The following CTIF variants were observed in gnomAD, a reference collection of about 807,000 sequenced individuals.
CTIF encodes cap binding complex dependent translation initiation factor, also known as CBP80/20-dependent translation initiation factor.
CTIF carries 21 observed loss-of-function variants against 66.0 expected under a neutral mutation model. The observed-to-expected ratio is 0.32, with a 90% CI of 0.23 to 0.46. The LOEUF (loss-of-function observed/expected upper bound fraction) is 0.46. CTIF is among the 20% of genes least tolerant of loss of function. The probability of loss-of-function intolerance (pLI) is 1.00; values close to 1 mark genes in which losing one functional copy is unlikely to be tolerated. For missense variants in CTIF, 739 were observed against 812.7 expected (o/e 0.91, Z 1.10); for synonymous variants, 345 against 326.4 (o/e 1.06, Z -0.62).
At chr18:48,547,330 C>T (rs138287082) in intron 1 of CTIF, among the ~76,000 whole-genome samples, 163 of 152,282 alleles carry the variant, frequency 1.1e-3, no homozygotes, top group African/African-American at 3.8e-3. Context: ...GGTTTCTTTC[C>T]AGGGTCCCCT....
intron 1 of CTIF, among the ~76,000 whole-genome samples, chr18:48,615,703 G>A (rs912390758): frequency 2.6e-5 from 4 of 152,344 alleles, no homozygotes; most frequent in South Asian, 2.1e-4. Context: ...CTCATACTCC[G>A]GGTTGCAGGT....
At chr18:48,818,095 G>A (rs749750226) in intron 10 of CTIF, among the ~76,000 whole-genome samples, 12 of 152,220 alleles carry the variant, frequency 7.9e-5, no homozygotes, top group Non-Finnish European at 1.5e-4. Flanking sequence ...GAATGACCAA[G>A]GAACTTTTGA....
At chr18:48,593,375 CT>C (rs576600188) in intron 1 of CTIF, among the ~76,000 whole-genome samples, 3,875 of 147,918 alleles carry the variant, frequency 0.026, 52 homozygotes, top group African/African-American at 0.04. Flanking sequence ...AACTAGAAAT[CT>C]TTTTTTTTTC....
chr18:48,639,138 G>A (rs780142930), intron 3 of CTIF, among the ~76,000 whole-genome samples: 13 of 152,238 alleles, frequency 8.5e-5, no homozygotes, highest in Admixed American at 3.3e-4. Flanking sequence ...CTGGAGAGCC[G>A]GCTGGGACGG....
rs1196742249 is a variant in CTIF, at chr18:48,851,762, C to T, written c.1528-5826C>T. ...CCCTCCCTTCCTTCGCATCAGCTCC[C>T]GGGTTCTGCCTCTTCCCCACCCAGG... On this transcript the variant is annotated intron_variant, in intron 10 of 11. Coordinates refer to ENST00000256413, the MANE Select transcript of CTIF (RefSeq NM_014772.3). Among the ~76,000 whole-genome samples, 4 of 152,294 alleles carry T rather than the reference C, an allele frequency of 2.6e-5. No individual in the cohort carries two copies. In the South Asian group the frequency reaches 8.3e-4, roughly 32 times the overall value.
rs80079508 is a variant in CTIF at position 48,601,129 on chromosome 18, G to A, written c.-28-18409G>A. Among the ~76,000 whole-genome samples, 1,393 of 152,270 alleles carry A rather than the reference G, an allele frequency of 9.1e-3. 10 individuals carry two copies. Among genetic ancestry groups the A allele is most frequent in the South Asian group, 0.025 (121 of 4,824 alleles). ...ACTGAGATCTGCCCTCACCACTAAG[G>A]TGTTAGGCCCGTTCTTTATCTAGCT... On this transcript the variant is annotated intron_variant, in intron 1 of 11. Coordinates refer to ENST00000256413, the MANE Select transcript of CTIF (RefSeq NM_014772.3).
At chr18:48,806,383 C>T (rs1198636496) in intron 9 of CTIF, among the ~76,000 whole-genome samples, 3 of 152,142 alleles carry the variant, frequency 2.0e-5, no homozygotes, top group Non-Finnish European at 4.4e-5. Flanking sequence ...TTCCTGCTAG[C>T]AGTAAATAAA....
chr18:48,798,433 T>C (rs1476215258), intron 9 of CTIF, among the ~76,000 whole-genome samples: 1 of 152,194 alleles, frequency 6.6e-6, no homozygotes, highest in Non-Finnish European at 1.5e-5. Context: ...CATGCTTCCC[T>C]ATCTGTTCTC....
At chr18:48,599,353 A>C (rs1420970961) in intron 1 of CTIF, among the ~76,000 whole-genome samples, 1 of 152,080 alleles carries the variant, frequency 6.6e-6, no homozygotes, top group Non-Finnish European at 1.5e-5. Context: ...TGTTCATAAA[A>C]ATGCCAAAAT....
At chr18:48,611,455 G>C (rs1170019203) in intron 1 of CTIF, among the ~76,000 whole-genome samples, 1 of 152,270 alleles carries the variant, frequency 6.6e-6, no homozygotes, top group East Asian at 1.9e-4. Flanking sequence ...CAGCTGGCCA[G>C]AAGTTTGGCC....
chr18:48,566,617 C>T (rs2089286313), intron 1 of CTIF: 1 of 152,212 alleles, frequency 6.6e-6, no homozygotes, highest in African/African-American at 2.4e-5. Context: ...AGGGCTGGCA[C>T]CAACCACAGC....
chr18:48,548,392 C>A (rs2088805671), intron 1 of CTIF, among the ~76,000 whole-genome samples: 1 of 152,228 alleles, frequency 6.6e-6, no homozygotes, highest in Non-Finnish European at 1.5e-5. Flanking sequence ...ACCAAACAGG[C>A]TGGTGTTTAC....
chr18:48,545,348 G>A (rs1218307559), intron 1 of CTIF, among the ~76,000 whole-genome samples: 1 of 152,200 alleles, frequency 6.6e-6, no homozygotes, highest in Non-Finnish European at 1.5e-5. Flanking sequence ...AAGGGAACAG[G>A]ACTGGGAGCC....
intron 10 of CTIF, among the ~76,000 whole-genome samples, chr18:48,846,393 G>T (rs2069072487): frequency 1.3e-5 from 2 of 152,120 alleles, no homozygotes; most frequent in South Asian, 2.1e-4. Flanking sequence ...TGTTATCCCT[G>T]TACTTACGTA....
chr18:48,651,146 A>C (rs2091148379), intron 3 of CTIF, among the ~76,000 whole-genome samples: 2 of 152,230 alleles, frequency 1.3e-5, no homozygotes, highest in South Asian at 4.1e-4. Context: ...ACATAACAAT[A>C]TTAACCTTGA....
At position 48,543,098 on chromosome 18, in the gene CTIF, G is replaced by A. The variant is rs80218152; in HGVS notation, c.-29+3786G>A. 4.0e-3 allele frequency among the ~76,000 whole-genome samples: 614 copies of A among 152,306 alleles called. 3 individuals carry two copies. Among genetic ancestry groups the A allele is most frequent in the African/African-American group, 0.013 (521 of 41,568 alleles). On this transcript the variant is annotated intron_variant, in intron 1 of 11. Coordinates refer to ENST00000256413, the MANE Select transcript of CTIF (RefSeq NM_014772.3). The stretch of plus-strand genomic sequence containing the variant: ...CTTTTTATCTAATCCCAAACTCACC[G>A]TCTGGTCCCAGATATTGTCCTCTAA...
At chr18:48,704,781 A>T (rs1409052602) in intron 6 of CTIF, among the ~76,000 whole-genome samples, 1 of 152,182 alleles carries the variant, frequency 6.6e-6, no homozygotes, top group Non-Finnish European at 1.5e-5. Context: ...CCTCTTTCCC[A>T]ATCAGGCCAT....
At chr18:48,741,270 C>G (rs2092550253) in intron 7 of CTIF, among the ~76,000 whole-genome samples, 1 of 117,624 alleles carries the variant, frequency 8.5e-6, no homozygotes, top group Admixed American at 9.6e-5. Context: ...CTGCTCTTTA[C>G]TCTGCCCCCG....
chr18:48,568,692 C>CA (rs2089341038), intron 1 of CTIF, among the ~76,000 whole-genome samples: 1 of 131,716 alleles, frequency 7.6e-6, no homozygotes, highest in Admixed American at 8.8e-5. Context: ...CTCACAGTTC[C>CA]ACATGTCTGG....
Sources: allele counts gnomAD v4.1 joint callset (sites outside exome capture counted in the v4.1 genomes callset), GRCh38; gene constraint gnomAD v4.1.1; transcripts MANE v1.5; gene names NCBI Gene and HGNC (gene_info 2026-07-23, HGNC 2026-07-21).